GLT8D2: variants seen among roughly 807,000 people sequenced by gnomAD.
The protein encoded by GLT8D2 is glycosyltransferase 8 domain-containing protein 2.
A neutral mutation model predicts 44.5 loss-of-function variants in GLT8D2; 45 were observed. The observed-to-expected ratio is 1.01, with a 90% CI of 0.80 to 1.30. The LOEUF (loss-of-function observed/expected upper bound fraction) is 1.30, where lower values mean the gene tolerates loss of function less well. GLT8D2 is among the 50% of genes most tolerant of loss of function. The probability of loss-of-function intolerance (pLI) is 0.00; values close to 1 mark genes in which losing one functional copy is unlikely to be tolerated. For missense variants in GLT8D2, 400 were observed against 430.4 expected (o/e 0.93, Z 0.62); for synonymous variants, 156 against 157.2 (o/e 0.99, Z 0.06).
chr12:104,034,451 T>C (rs1352920621), intron 1 of GLT8D2, among the ~76,000 whole-genome samples: 1 of 152,252 alleles, frequency 6.6e-6, no homozygotes, highest in Non-Finnish European at 1.5e-5. Context: ...ACTGCACTTT[T>C]CCAGTGGTCT....
chr12:104,061,792 C>A (rs959429639), intron 1 of GLT8D2, among the ~76,000 whole-genome samples: 18 of 151,778 alleles, frequency 1.2e-4, no homozygotes, highest in African/African-American at 4.4e-4. Context: ...GCCTGACCAA[C>A]ATGGAGAAAC....
intron 4 of GLT8D2, 52 bp from the exon 5 acceptor site, chr12:104,003,358 G>A (rs1874513936): frequency 3.2e-6 from 5 of 1,540,724 alleles, no homozygotes; most frequent in Non-Finnish European, 4.5e-6. Flanking sequence ...TCACAGTAGA[G>A]CCAGTTTAAT....
chr12:104,016,797 AGGAAG>A (rs1876819885), intron 3 of GLT8D2, among the ~76,000 whole-genome samples: 1 of 145,818 alleles, frequency 6.9e-6, no homozygotes, highest in African/African-American at 2.6e-5. Flanking sequence ...GAAGGAAGGA[AGGAAG>A]GAAGGAAAGA....
intron 1 of GLT8D2, among the ~76,000 whole-genome samples, chr12:104,040,811 G>A (rs2136472363): frequency 6.6e-6 from 1 of 152,274 alleles, no homozygotes; most frequent in African/African-American, 2.4e-5. Flanking sequence ...ATGCTGTGTT[G>A]TGACTTTACT....
chr12:104,058,885 A>T (rs533453219), intron 1 of GLT8D2, among the ~76,000 whole-genome samples: 7 of 152,342 alleles, frequency 4.6e-5, no homozygotes, highest in South Asian at 2.1e-4. Context: ...ACCCCCAGAG[A>T]TGCCTAAAAC....
At chr12:104,027,649 A>G (rs1878742250) in intron 1 of GLT8D2, among the ~76,000 whole-genome samples, 1 of 152,244 alleles carries the variant, frequency 6.6e-6, no homozygotes, top group African/African-American at 2.4e-5. Flanking sequence ...TTTAATTTGC[A>G]CGCAGCTCCA....
chr12:104,029,925 C>T (rs1879053444), intron 1 of GLT8D2: 1 of 151,924 alleles, frequency 6.6e-6, no homozygotes, highest in South Asian at 2.1e-4. Context: ...CCAAAGCAAT[C>T]TACAGATTTA....
At chr12:103,999,661 C>T (rs560687916) in intron 5 of GLT8D2, 147 bp from the exon 6 acceptor site, 1 of 600,868 alleles carries the variant, frequency 1.7e-6, no homozygotes, top group African/African-American at 1.8e-5. Flanking sequence ...ATAAATCCCT[C>T]TGACTTTTCT....
rs1288347821 is a variant in GLT8D2, at chr12:104,003,234, A to G, written c.185T>C (p.Met62Thr). 6.2e-7 allele frequency: 1 copy of G among 1,613,984 alleles called. No homozygotes were observed. The highest frequency in any genetic ancestry group is 8.5e-7 in the Non-Finnish European group (1 of 1,179,976). ...ATTGATGGCAGCCATAGTGGCACCCATCCTCCCTGCTGCAGCACAAATCAC... is the reference window on the plus strand; with the variant it reads ...ATTGATGGCAGCCATAGTGGCACCCGTCCTCCCTGCTGCAGCACAAATCAC... ...PVVICAAAGR[M>T]GATMAAINSI... Residue 62 changes from methionine (M) to threonine (T), a missense_variant, in exon 5 of 11, where the codon ATG (methionine) becomes ACG (threonine). Physicochemically the swap from Met to Thr is moderately conservative, Grantham distance 81 (BLOSUM62 -1). Coordinates refer to ENST00000360814, the MANE Select transcript of GLT8D2 (RefSeq NM_001384711.1).
intron 6 of GLT8D2, 130 bp downstream of exon 6, chr12:103,999,267 A>T (rs557293760): frequency 1.6e-6 from 1 of 611,052 alleles, no homozygotes; most frequent in East Asian, 2.5e-5. Flanking sequence ...ACATAAGCGG[A>T]GTTTGGTGGA....
intron 1 of GLT8D2, among the ~76,000 whole-genome samples, chr12:104,060,888 A>C (rs1161574030): frequency 2.6e-5 from 4 of 151,998 alleles, no homozygotes; most frequent in Non-Finnish European, 4.4e-5. Context: ...GCACCATTGC[A>C]CTCCAACCTG....
At chr12:104,032,327 T>C (rs1163312659) in intron 1 of GLT8D2, among the ~76,000 whole-genome samples, 1 of 150,640 alleles carries the variant, frequency 6.6e-6, no homozygotes, top group East Asian at 1.9e-4. Context: ...CTCTTGGTCC[T>C]GTCCAAGTGT....
chr12:104,012,925 T>C (rs571556535), intron 4 of GLT8D2: 56 of 617,856 alleles, frequency 9.1e-5, no homozygotes, highest in Non-Finnish European at 1.5e-4. Flanking sequence ...AAGGCGGCCA[T>C]CTGCATGCCA....
Position 104,064,116 on chromosome 12 carries a change from G to A in GLT8D2, c.-590C>T, listed in dbSNP as rs1229293749. The A allele has an allele frequency of 6.5e-6, 1 of 152,794 alleles. No homozygotes were observed. Among genetic ancestry groups the A allele is most frequent in the Non-Finnish European group, 1.5e-5 (1 of 68,488 alleles). 9.5% of individuals were successfully genotyped at this position (152,794 alleles called of 1,614,324 possible). On this transcript the variant is annotated 5_prime_UTR_variant, in exon 1 of 11. Transcript: ENST00000548660. The surrounding 1 kb of genome is among the most constrained non-coding windows in gnomAD (Gnocchi z 7.3). ...GGCAGGCTCCCGCCCGCACCCTCCCGTGCGAGGTCCCCGCCCTGCGCTCCC... is the reference window on the plus strand; with the variant it reads ...GGCAGGCTCCCGCCCGCACCCTCCCATGCGAGGTCCCCGCCCTGCGCTCCC...
At chr12:104,051,286 A>G (rs1881703119), upstream of GLT8D2, among the ~76,000 whole-genome samples, 2 of 152,132 alleles carry the variant, frequency 1.3e-5, no homozygotes, top group Admixed American at 6.5e-5. Flanking sequence ...ACACCTGGCT[A>G]TAATTTAAAA....
At chr12:104,045,405 A>G (rs1880974517) in intron 1 of GLT8D2, among the ~76,000 whole-genome samples, 1 of 152,172 alleles carries the variant, frequency 6.6e-6, no homozygotes, top group Admixed American at 6.5e-5. Flanking sequence ...AATTGCCTGC[A>G]GGCCTGTCTT....
intron 1 of GLT8D2, among the ~76,000 whole-genome samples, chr12:104,037,255 T>A (rs1880015228): frequency 6.6e-6 from 1 of 152,072 alleles, no homozygotes; most frequent in South Asian, 2.1e-4. Context: ...TTAAAATAAC[T>A]AGAGAAGCAA....
chr12:104,040,116 G>C (rs545724055), intron 1 of GLT8D2, among the ~76,000 whole-genome samples: 16 of 152,140 alleles, frequency 1.1e-4, no homozygotes, highest in Admixed American at 3.9e-4. Flanking sequence ...TAGGACATAG[G>C]ACAGGGAACA....
chr12:104,021,954 G>GA (rs1877843847), intron 1 of GLT8D2, among the ~76,000 whole-genome samples: 6 of 16,260 alleles, frequency 3.7e-4, no homozygotes, highest in Non-Finnish European at 3.5e-4. Flanking sequence ...AGAAGAAGAA[G>GA]AGGAAGAAGA....
Sources: gnomAD v4.1 joint callset for allele counts (sites outside exome capture counted in the v4.1 genomes callset) on GRCh38, gnomAD v4.1.1 for gene constraint, Gnocchi (gnomAD v3.1) non-coding constraint, MANE v1.5 for transcripts, NCBI Gene and HGNC (gene_info 2026-07-23, HGNC 2026-07-21) for gene names.